PRMT3: variants seen among roughly 807,000 people sequenced by gnomAD.
PRMT3 encodes the protein protein arginine methyltransferase 3.
Under a neutral mutation model 71.9 loss-of-function variants are expected in PRMT3, and 62 were observed. That is an observed-to-expected ratio of 0.86 (90% CI 0.70 to 1.07). The LOEUF (loss-of-function observed/expected upper bound fraction) is 1.07. Ranked by LOEUF, PRMT3 falls within the 50% of genes least tolerant of loss-of-function variation. PRMT3 has a pLI of 0.00. For missense variants in PRMT3, 663 were observed against 643.0 expected, an observed-to-expected ratio of 1.03 and a Z score of -0.34; for synonymous variants, 213 against 220.4, an observed-to-expected ratio of 0.97 and a Z score of 0.30.
intron 5 of PRMT3, chr11:20,393,685 T>TAG (rs1380501242): frequency 6.6e-6 from 1 of 152,226 alleles, no homozygotes; most frequent in Non-Finnish European, 1.5e-5. Flanking sequence ...TCTTAATATT[T>TAG]ACTGAATCCT....
At chr11:20,461,017 C>A (rs73449290) in intron 11 of PRMT3, among the ~76,000 whole-genome samples, 5,694 of 152,236 alleles carry the variant, frequency 0.037, 324 homozygotes, top group African/African-American at 0.13. Flanking sequence ...AAAATCTAGT[C>A]ATGTTGCTAC....
intron 8 of PRMT3, chr11:20,407,577 G>A (rs1849098643): frequency 5.6e-6 from 1 of 178,844 alleles, no homozygotes; most frequent in Non-Finnish European, 1.2e-5. Context: ...AACCATCTGG[G>A]CATAGGATAG....
intron 10 of PRMT3, among the ~76,000 whole-genome samples, chr11:20,451,159 CT>C (rs1045510824): frequency 9.2e-5 from 14 of 152,180 alleles, no homozygotes; most frequent in Non-Finnish European, 1.8e-4. Flanking sequence ...GTGGCAAATT[CT>C]TTTTTCATTT....
At chr11:20,389,698 G>C in intron 2 of PRMT3, 46 bp from the exon 3 acceptor site, 1 of 1,326,202 alleles carries the variant, frequency 7.5e-7, no homozygotes, top group Non-Finnish European at 1.1e-6. Context: ...TCAGTATTTA[G>C]ACTTCTTAGG....
chr11:20,404,240 T>G (rs1395398979), intron 8 of PRMT3, among the ~76,000 whole-genome samples: 10 of 121,964 alleles, frequency 8.2e-5, no homozygotes, highest in East Asian at 4.6e-4. Context: ...TTTTTTTTTT[T>G]TTTTTTTTTT....
rs866430043 is a variant in PRMT3 at position 20,405,568 on chromosome 11, G to A, written c.772-2343G>A. 9 of 152,036 alleles carry A rather than the reference G, an allele frequency of 5.9e-5. No homozygotes were observed. In the South Asian group the frequency reaches 1.2e-3, roughly 21 times the overall value. The allele number at this position is 152,036 out of a possible 1,614,324, so 9.4% of individuals were successfully genotyped here. ...CCTGGACCTATTTCTTTGCCTCTCT[G>A]AAGCTCACATTCTTCATTTGTAAAA... is the stretch of plus-strand genomic sequence containing the variant. On this transcript the variant is annotated intron_variant, in intron 8 of 15. Coordinates refer to ENST00000331079, the MANE Select transcript of PRMT3 (RefSeq NM_005788.4).
chr11:20,464,413 T>TG, intron 12 of PRMT3, 47 bp from the exon 13 acceptor site: 1 of 1,529,242 alleles, frequency 6.5e-7, no homozygotes, highest in East Asian at 2.3e-5. Context: ...TTTTTTTTTT[T>TG]GGACTATTTT....
chr11:20,435,278 C>T (rs1257667370), intron 10 of PRMT3, among the ~76,000 whole-genome samples: 1 of 152,028 alleles, frequency 6.6e-6, no homozygotes, highest in South Asian at 2.1e-4. Flanking sequence ...CTCAGCTCAC[C>T]GCAACCTCTG....
intron 13 of PRMT3, 101 bp downstream of exon 13, chr11:20,464,647 A>G (rs1018610813): frequency 2.0e-6 from 3 of 1,521,806 alleles, no homozygotes; most frequent in South Asian, 2.6e-5. Flanking sequence ...GAAAATGACT[A>G]TTGCCTCTGA....
chr11:20,400,968 T>C (rs1848936102), intron 7 of PRMT3, among the ~76,000 whole-genome samples: 1 of 70,798 alleles, frequency 1.4e-5, no homozygotes, highest in Non-Finnish European at 4.0e-5. Flanking sequence ...TTCGTATTTA[T>C]TGGATTTTTT....
At chr11:20,403,518 A>T (rs1457882074) in intron 8 of PRMT3, among the ~76,000 whole-genome samples, 1 of 152,146 alleles carries the variant, frequency 6.6e-6, no homozygotes, top group African/African-American at 2.4e-5. Context: ...CAAGTTATTT[A>T]AAAAATGATC....
At chr11:20,465,035 C>T (rs1009115494) in intron 13 of PRMT3, among the ~76,000 whole-genome samples, 1 of 152,040 alleles carries the variant, frequency 6.6e-6, no homozygotes, top group African/African-American at 2.4e-5. Flanking sequence ...AAAAGTTAGG[C>T]AGATCTGGGT....
intron 11 of PRMT3, 29 bp downstream of exon 11, chr11:20,452,237 C>CT: frequency 6.6e-7 from 1 of 1,522,138 alleles, no homozygotes; most frequent in Non-Finnish European, 9.1e-7. Flanking sequence ...TTTTAATAAT[C>CT]TAATTTTAGT....
intron 11 of PRMT3, among the ~76,000 whole-genome samples, chr11:20,457,005 C>T (rs1190854368): frequency 1.3e-5 from 2 of 152,128 alleles, no homozygotes; most frequent in Non-Finnish European, 2.9e-5. Flanking sequence ...TCTCGACTAG[C>T]TGGAATTAGA....
At position 20,426,797 on chromosome 11, in the gene PRMT3, A is replaced by G; in HGVS notation, c.925A>G (p.Ile309Val). The change falls in exon 10 of 16, where the codon ATT becomes GTT. Residue 309 changes from isoleucine to valine, a missense_variant. Coordinates refer to ENST00000331079, the MANE Select transcript of PRMT3 (RefSeq NM_005788.4). ...TAAACTTGAAGATACTATTACACTA[A>G]TTAAAGGAAAGATTGAAGAAGTTCA... is the stretch of plus-strand genomic sequence containing the variant. ...LNKLEDTITL[I>V]KGKIEEVHLP... is the part of the protein sequence containing the mutation. 2 of 1,519,534 alleles carry G rather than the reference A, an allele frequency of 1.3e-6. No homozygotes were observed. The highest frequency in any genetic ancestry group is 5.2e-5 in the East Asian group (2 of 38,420). 94.1% of individuals were successfully genotyped at this position (1,519,534 alleles called of 1,614,324 possible).
At chr11:20,441,064 C>T (rs879750112) in intron 10 of PRMT3, among the ~76,000 whole-genome samples, 6 of 151,724 alleles carry the variant, frequency 4.0e-5, no homozygotes, top group Non-Finnish European at 7.4e-5. Context: ...ATCTGAATTA[C>T]AGGTTGATAT....
rs755139546 is a variant in PRMT3, at chr11:20,395,836, C to G, written c.434C>G (p.Pro145Arg). 7.4e-6 allele frequency: 12 copies of G among 1,613,490 alleles called. No homozygotes were observed. The highest frequency in any genetic ancestry group is 1.6e-4 in the Middle Eastern group (1 of 6,082). The part of the protein sequence containing the change: ...VEDLYEPVSV[P>R]FSYPNGLSEN... ...GATCTTTATGAACCGGTGTCAGTAC[C>G]CTTCTCATACCCCAATGGACTCAGT... The change falls in exon 6 of 16, where the codon CCC (proline) becomes CGC (arginine). Residue 145 changes from proline (P) to arginine (R), a missense_variant. Coordinates refer to ENST00000331079, the MANE Select transcript of PRMT3 (RefSeq NM_005788.4).
In PRMT3 at chr11:20,402,928, C is replaced by T. The variant is rs376995112; in HGVS notation, c.715C>T (p.Arg239Ter). 16 of 1,607,982 alleles carry T rather than the reference C, an allele frequency of 1.0e-5. No homozygotes were observed. Among genetic ancestry groups the T allele is most frequent in the East Asian group, 2.2e-5 (1 of 44,792 alleles). The part of the protein sequence containing the change: ...IHEEMLKDKI[R>*]TESYRDFIYQ... ...CCTCTCTCCACCCTAGGACAAAATA[C>T]GAACAGAAAGCTACCGAGATTTCAT... The change falls in exon 8 of 16, where the codon CGA becomes TGA. Residue 239 changes from arginine (R) to a stop codon, truncating the protein, a stop_gained. Transcript: ENST00000331079. LOFTEE classifies it high-confidence loss of function.
At chr11:20,436,595 G>A (rs1157370371) in intron 10 of PRMT3, among the ~76,000 whole-genome samples, 1 of 152,030 alleles carries the variant, frequency 6.6e-6, no homozygotes, top group East Asian at 1.9e-4. Context: ...ATTGACTTGT[G>A]TACATTTTGT....
Sources: gnomAD v4.1 joint callset for allele counts (sites outside exome capture counted in the v4.1 genomes callset) on GRCh38, gnomAD v4.1.1 for gene constraint, MANE v1.5 for transcripts, NCBI Gene and HGNC (gene_info 2026-07-23, HGNC 2026-07-21) for gene names.